The following TMCO4 variants were observed in gnomAD, a reference collection of about 807,000 sequenced individuals.
TMCO4 encodes transmembrane and coiled-coil domains 4.
A neutral mutation model predicts 64.7 loss-of-function variants in TMCO4; 58 were observed. The ratio of observed to expected loss-of-function variants is 0.90; its 90% CI spans 0.73 to 1.12. The LOEUF (loss-of-function observed/expected upper bound fraction) is 1.12. Ranked by LOEUF, TMCO4 falls within the 50% of genes most tolerant of loss-of-function variation. The pLI is 0.00. For missense variants in TMCO4, 780 were observed against 825.9 expected (o/e 0.94, Z 0.68); for synonymous variants, 325 against 346.1 (o/e 0.94, Z 0.68).
intron 6 of TMCO4, among the ~76,000 whole-genome samples, chr1:19,758,356 T>C (rs926837165): frequency 6.6e-6 from 1 of 152,084 alleles, no homozygotes; most frequent in Admixed American, 6.6e-5. Context: ...CCTTCCCCCA[T>C]AGGAGCAAAG....
intron 2 of TMCO4, among the ~76,000 whole-genome samples, chr1:19,792,479 C>G (rs1489717566): frequency 1.3e-5 from 2 of 152,200 alleles, no homozygotes; most frequent in Admixed American, 1.3e-4. Flanking sequence ...CTGACCTCAG[C>G]TCCACAAGTA....
Position 19,780,690 on chromosome 1 carries a change from CT to C in TMCO4, c.68del (p.Glu23GlyfsTer12), listed in dbSNP as rs758121497. The C allele has an allele frequency of 1.5e-5, 25 of 1,613,768 alleles. 1 individual carries two copies. Among genetic ancestry groups the C allele is most frequent in the Admixed American group, 1.3e-4 (8 of 59,980 alleles). On this transcript the variant is annotated frameshift_variant, in exon 4 of 16. Coordinates refer to ENST00000294543, the MANE Select transcript of TMCO4 (RefSeq NM_181719.7). LOFTEE classifies it high-confidence loss of function. ...GGCCCGTGGGCAGGTGTGGCTCCCC[CT>C]CTGCAGTGGGCTCAGCTACCAGAGG... is the stretch of plus-strand genomic sequence containing the variant. The part of the protein sequence containing the change: ...QQPLVAEPTA[E>X]GEPHLPTGRE...
chr1:19,776,985 C>CCACTG (rs1169479876), intron 4 of TMCO4, among the ~76,000 whole-genome samples: 1 of 146,576 alleles, frequency 6.8e-6, no homozygotes, highest in Non-Finnish European at 1.5e-5. Context: ...CAAGATCACA[C>CCACTG]CACTGCACTC....
At chr1:19,693,375 C>T (rs1435007866) in intron 15 of TMCO4, among the ~76,000 whole-genome samples, 2 of 151,814 alleles carry the variant, frequency 1.3e-5, no homozygotes, top group African/African-American at 2.4e-5. Flanking sequence ...CCCCGCTACT[C>T]GGGACACTGA....
At chr1:19,784,988 C>T (rs1351102015) in intron 3 of TMCO4, among the ~76,000 whole-genome samples, 1 of 152,176 alleles carries the variant, frequency 6.6e-6, no homozygotes, top group South Asian at 2.1e-4. Context: ...GCTTAAATGT[C>T]CTGTGCAATC....
At chr1:19,746,411 C>A in intron 9 of TMCO4, 45 bp downstream of exon 9, 2 of 1,609,420 alleles carry the variant, frequency 1.2e-6, no homozygotes, top group Non-Finnish European at 1.7e-6. Flanking sequence ...CTGGGCCACC[C>A]TGGCTGAAAA....
intron 13 of TMCO4, among the ~76,000 whole-genome samples, chr1:19,718,742 G>A (rs932684569): frequency 1.4e-4 from 22 of 151,736 alleles, no homozygotes; most frequent in Middle Eastern, 3.2e-3. Flanking sequence ...GAAGAAGAAC[G>A]AGACGGACTC....
At chr1:19,769,282 T>C (rs2101014304) in intron 6 of TMCO4, among the ~76,000 whole-genome samples, 1 of 152,332 alleles carries the variant, frequency 6.6e-6, no homozygotes. Context: ...GCAGCAGTTC[T>C]GCAGCATGAA....
intron 6 of TMCO4, among the ~76,000 whole-genome samples, chr1:19,764,912 TTTTACCACAACCTAAG>T (rs1436931157): frequency 6.6e-6 from 1 of 150,882 alleles, no homozygotes; most frequent in Non-Finnish European, 1.5e-5. Context: ...AATATTTGCA[TTTTACCACAACCTAAG>T]ACTAACACCT....
chr1:19,686,395 A>C (rs1449610891), intron 15 of TMCO4, among the ~76,000 whole-genome samples: 1 of 152,222 alleles, frequency 6.6e-6, no homozygotes, highest in Non-Finnish European at 1.5e-5. Context: ...TGGGAATCTC[A>C]GAAAACAGCA....
rs755650723 is a variant in TMCO4 at position 19,683,210 on chromosome 1, G to A, written c.1735C>T (p.Pro579Ser). 34 of 1,614,124 alleles carry A rather than the reference G, an allele frequency of 2.1e-5. No homozygotes were observed. The highest frequency in any genetic ancestry group is 2.5e-5 in the Non-Finnish European group (30 of 1,180,052). The part of the protein sequence containing the change: ...DTSKLAMSTD[P>S]SQAQVPVGLD... ...CCTACTGGCACCTGGGCTTGGCTGG[G>A]GTCTGTGGACATGGCCAATTTGGAG... Residue 579 changes from proline to serine, a missense_variant, in exon 16 of 16, where the codon CCC becomes TCC. By Grantham distance (74) the Pro-to-Ser change is moderately conservative (BLOSUM62 -1). Transcript: ENST00000294543.
At chr1:19,747,858 C>T (rs1308384157) in intron 7 of TMCO4, among the ~76,000 whole-genome samples, 5 of 152,176 alleles carry the variant, frequency 3.3e-5, no homozygotes, top group Non-Finnish European at 5.9e-5. Flanking sequence ...ACTCAAGAGT[C>T]AGGAAGCCCA....
intron 13 of TMCO4, among the ~76,000 whole-genome samples, chr1:19,714,381 T>C (rs1482009028): frequency 6.6e-6 from 1 of 152,238 alleles, no homozygotes; most frequent in Non-Finnish European, 1.5e-5. Context: ...TCTTGTTCCT[T>C]CCACTTATTT....
In TMCO4 at chr1:19,702,285, C is replaced by CAGAAAAAAAA. The variant is rs751695121; in HGVS notation, c.1265-1401_1265-1400insTTTTTTTTCT. The stretch of plus-strand genomic sequence containing the variant: ...TGCCTGGCCGAGACTCTTGTCTTTA[C>CAGAAAAAAAA]AAAAAAAAAAAAAAAAAAAGTCAGG... On this transcript the variant is annotated intron_variant, in intron 13 of 15. Coordinates refer to ENST00000294543, the MANE Select transcript of TMCO4 (RefSeq NM_181719.7). 1.5e-4 allele frequency among the ~76,000 whole-genome samples: 15 copies of CAGAAAAAAAA among 102,914 alleles called. 1 individual carries two copies. The East Asian group carries it at 2.0e-3, about 14-fold the overall frequency. 67.5% of individuals were successfully genotyped at this position (102,914 alleles called of 152,430 possible). A position where few individuals can be genotyped will look rare whatever the true frequency, so the allele number is the denominator to read the frequency against.
intron 6 of TMCO4, among the ~76,000 whole-genome samples, chr1:19,765,251 C>T (rs961664079): frequency 4.6e-5 from 7 of 152,188 alleles, no homozygotes; most frequent in African/African-American, 1.7e-4. Flanking sequence ...TTCATTTTCT[C>T]CCCTGTAAGA....
At chr1:19,766,888 G>A (rs1434676081) in intron 6 of TMCO4, among the ~76,000 whole-genome samples, 4 of 152,194 alleles carry the variant, frequency 2.6e-5, no homozygotes, top group African/African-American at 9.7e-5. Context: ...ATAAGAGGGT[G>A]GTCTAGGTGA....
rs192247609 is a variant in TMCO4, at chr1:19,752,652, A to G, written c.515+2982T>C. Among the ~76,000 whole-genome samples, 3 of 152,170 alleles carry G rather than the reference A, an allele frequency of 2.0e-5. No individual in the cohort carries two copies. The East Asian group carries it at 5.8e-4, about 29-fold the overall frequency. ...GCCTGGATGACCCCATAAAATCATTATCTTTCTTGTTTTCTTCAGAATTAA... is the reference window on the plus strand; with the variant it reads ...GCCTGGATGACCCCATAAAATCATTGTCTTTCTTGTTTTCTTCAGAATTAA... On this transcript the variant is annotated intron_variant, in intron 7 of 15. Coordinates refer to ENST00000294543, the MANE Select transcript of TMCO4 (RefSeq NM_181719.7).
chr1:19,687,477 A>C (rs750131538), intron 15 of TMCO4, among the ~76,000 whole-genome samples: 3 of 152,162 alleles, frequency 2.0e-5, no homozygotes, highest in Non-Finnish European at 4.4e-5. Flanking sequence ...ACCATGAAGC[A>C]CAGTGCCTGG....
intron 15 of TMCO4, among the ~76,000 whole-genome samples, chr1:19,688,865 CA>C (rs2095170365): frequency 1.3e-5 from 2 of 152,198 alleles, no homozygotes; most frequent in African/African-American, 4.8e-5. Context: ...GGCCACCTGG[CA>C]TTTCTGCTGG....
Sources: allele counts gnomAD v4.1 joint callset (sites outside exome capture counted in the v4.1 genomes callset), GRCh38; gene constraint gnomAD v4.1.1; transcripts MANE v1.5; gene names NCBI Gene and HGNC (gene_info 2026-07-23, HGNC 2026-07-21).